Variants in DIP2A observed in about 807,000 individuals in gnomAD.
The protein encoded by DIP2A is DIP2 acetate--CoA ligase A, also known as disco-interacting protein 2 homolog A.
A neutral mutation model predicts 177.4 loss-of-function variants in DIP2A; 85 were observed. That is an observed-to-expected ratio of 0.48 (90% CI 0.40 to 0.57). The LOEUF is 0.57. DIP2A is among the 20% of genes least tolerant of loss of function. The probability of loss-of-function intolerance (pLI) is 0.00; values close to 1 mark genes in which losing one functional copy is unlikely to be tolerated. For missense variants in DIP2A, 1,791 were observed against 2,100.2 expected, an observed-to-expected ratio of 0.85 and a Z score of 2.88; for synonymous variants, 886 against 881.8, an observed-to-expected ratio of 1.00 and a Z score of -0.08.
chr21:46,504,124 G>C (rs1277862361), intron 5 of DIP2A, among the ~76,000 whole-genome samples: 3 of 152,198 alleles, frequency 2.0e-5, no homozygotes, highest in Non-Finnish European at 4.4e-5. Flanking sequence ...TCTGAGTCTG[G>C]ATCCCTTTGA....
chr21:46,507,206 T>C (rs1011612868), intron 6 of DIP2A, among the ~76,000 whole-genome samples: 9 of 152,214 alleles, frequency 5.9e-5, no homozygotes, highest in Non-Finnish European at 1.2e-4. Flanking sequence ...AAAGAGCAGA[T>C]GGTTTACATT....
intron 2 of DIP2A, among the ~76,000 whole-genome samples, chr21:46,486,866 TCA>T (rs2056730121): frequency 6.6e-6 from 1 of 152,142 alleles, no homozygotes; most frequent in Non-Finnish European, 1.5e-5. Context: ...CAAATACCCA[TCA>T]ACAGAATTCA....
intron 8 of DIP2A, among the ~76,000 whole-genome samples, chr21:46,524,468 G>A (rs1435295715): frequency 6.6e-6 from 1 of 152,174 alleles, no homozygotes; most frequent in Non-Finnish European, 1.5e-5. Context: ...AATTGGTGCT[G>A]TGGTCTTATC....
intron 1 of DIP2A, among the ~76,000 whole-genome samples, chr21:46,477,543 TTG>T (rs1555874551): frequency 8.0e-5 from 7 of 87,104 alleles, no homozygotes; most frequent in Non-Finnish European, 1.4e-4. Context: ...AAAAAAAGAT[TTG>T]TGTGTGTGTG....
intron 36 of DIP2A, among the ~76,000 whole-genome samples, 177 bp from the exon 37 acceptor site, chr21:46,566,383 A>G (rs921071004): frequency 1.2e-4 from 19 of 152,146 alleles, no homozygotes; most frequent in African/African-American, 4.6e-4. Context: ...CTGCAGAGAT[A>G]ACAGCCTGCT....
In DIP2A at chr21:46,557,808, T is replaced by A. The variant is rs2060519814; in HGVS notation, c.3798+55T>A. On this transcript the variant is annotated intron_variant, in intron 31 of 37. Transcript: ENST00000417564. This position sits in a 1 kb window ranked among gnomAD's most constrained non-coding sequence, Gnocchi z 6.0. ...TGCTGCAGACCACAGCCCTGGGAAG[T>A]TTAAAAACAACAAAACAAAACAAGA... 4.5e-6 allele frequency: 7 copies of A among 1,560,078 alleles called. No individual in the cohort carries two copies. In the Admixed American group the frequency reaches 5.6e-5, roughly 12 times the overall value.
intron 3 of DIP2A, among the ~76,000 whole-genome samples, chr21:46,495,676 T>C (rs1438208496): frequency 6.6e-6 from 1 of 152,068 alleles, no homozygotes; most frequent in East Asian, 1.9e-4. Context: ...GGTACAGGCA[T>C]AGCTTACTGC....
chr21:46,546,701 C>T (rs779263342), intron 20 of DIP2A, among the ~76,000 whole-genome samples: 2 of 152,178 alleles, frequency 1.3e-5, no homozygotes, highest in African/African-American at 2.4e-5. Flanking sequence ...GCTGCCCCAC[C>T]AGCCCCCATT....
At chr21:46,496,013 A>G (rs566868257) in intron 3 of DIP2A, among the ~76,000 whole-genome samples, 2 of 152,100 alleles carry the variant, frequency 1.3e-5, no homozygotes, top group East Asian at 3.9e-4. Context: ...CGGAGATTGC[A>G]GTGAGCTGAG....
chr21:46,565,108 C>T (rs1470557864), intron 35 of DIP2A, among the ~76,000 whole-genome samples: 1 of 152,276 alleles, frequency 6.6e-6, no homozygotes, highest in Non-Finnish European at 1.5e-5. Flanking sequence ...GACACTTGGT[C>T]CTGCAGGCAC....
chr21:46,572,808 G>A (rs570554806), downstream of DIP2A, among the ~76,000 whole-genome samples: 2 of 152,294 alleles, frequency 1.3e-5, no homozygotes, highest in East Asian at 3.9e-4. Flanking sequence ...CCCTGTACAA[G>A]TGTACTGATT....
chr21:46,508,499 C>T (rs1272930130), intron 6 of DIP2A, among the ~76,000 whole-genome samples: 3 of 151,264 alleles, frequency 2.0e-5, no homozygotes, highest in African/African-American at 7.3e-5. Context: ...GCTGGGACTA[C>T]AGGCGCCCGC....
At chr21:46,523,737 G>A (rs1177136675) in intron 8 of DIP2A, among the ~76,000 whole-genome samples, 5 of 152,126 alleles carry the variant, frequency 3.3e-5, no homozygotes, top group African/African-American at 1.2e-4. Flanking sequence ...TTAACTGCTC[G>A]AGATAACCTT....
chr21:46,519,709 A>G (rs1173435394), intron 8 of DIP2A, among the ~76,000 whole-genome samples: 1 of 152,150 alleles, frequency 6.6e-6, no homozygotes, highest in Non-Finnish European at 1.5e-5. Context: ...CAACAGCAAT[A>G]TATTCCACAA....
chr21:46,484,735 CT>C, intron 1 of DIP2A, 21 bp from the exon 2 acceptor site: 1 of 1,532,056 alleles, frequency 6.5e-7, no homozygotes, highest in South Asian at 1.3e-5. Flanking sequence ...AAATGCAATT[CT>C]TTTTTCCATT....
intron 1 of DIP2A, among the ~76,000 whole-genome samples, 172 bp downstream of exon 1, chr21:46,459,394 G>A (rs2054077395): frequency 7.1e-6 from 1 of 141,582 alleles, no homozygotes; most frequent in Admixed American, 7.1e-5. Context: ...CGGGACCCCG[G>A]TTCCTCTACC....
At chr21:46,535,941 A>G (rs1464512238) in intron 13 of DIP2A, among the ~76,000 whole-genome samples, 2 of 152,152 alleles carry the variant, frequency 1.3e-5, no homozygotes, top group Admixed American at 6.5e-5. Context: ...GTGACCTTCT[A>G]GGAGTGGGGA....
At chr21:46,554,407 C>T in intron 26 of DIP2A, 115 bp downstream of exon 26, 1 of 1,554,634 alleles carries the variant, frequency 6.4e-7, no homozygotes, top group East Asian at 2.3e-5. Flanking sequence ...CTCAGCCCCT[C>T]CTCTCTGCAT....
At chr21:46,460,798 AT>A (rs1313749595) in intron 1 of DIP2A, among the ~76,000 whole-genome samples, 1 of 151,706 alleles carries the variant, frequency 6.6e-6, no homozygotes, top group Non-Finnish European at 1.5e-5. Flanking sequence ...GGTAGAAATG[AT>A]TCTTCTGCCT....
Sources: gnomAD v4.1 joint callset for allele counts (sites outside exome capture counted in the v4.1 genomes callset) on GRCh38, gnomAD v4.1.1 for gene constraint, Gnocchi (gnomAD v3.1) non-coding constraint, MANE v1.5 for transcripts, NCBI Gene and HGNC (gene_info 2026-07-23, HGNC 2026-07-21) for gene names.